ASIC2: variants seen among roughly 807,000 people sequenced by gnomAD.
ASIC2 encodes the protein acid-sensing ion channel 2.
A neutral mutation model predicts 57.3 loss-of-function variants in ASIC2; 25 were observed. That is an observed-to-expected ratio of 0.44 (90% confidence interval 0.32 to 0.61). ASIC2 has a LOEUF of 0.61. Ranked by LOEUF, ASIC2 falls within the 20% of genes least tolerant of loss-of-function variation. The pLI, the probability that ASIC2 is intolerant of heterozygous loss-of-function variation, is 0.06. For synonymous variants in ASIC2, 319 were observed against 307.5 expected (o/e 1.04, Z -0.39); for missense variants, 641 against 738.1 (o/e 0.87, Z 1.52).
At chr17:33,366,999 A>C (rs1908834866) in intron 1 of ASIC2, among the ~76,000 whole-genome samples, 1 of 152,330 alleles carries the variant, frequency 6.6e-6, no homozygotes, top group East Asian at 1.9e-4. Context: ...AACTTTGCAA[A>C]AATTATGCAT....
chr17:34,125,085 C>A (rs1911739367), intron 1 of ASIC2, among the ~76,000 whole-genome samples: 1 of 151,760 alleles, frequency 6.6e-6, no homozygotes, highest in South Asian at 2.1e-4. Context: ...GACACCTCCT[C>A]CACAAAGCCT....
At chr17:33,123,808 C>A (rs973550238) in intron 1 of ASIC2, among the ~76,000 whole-genome samples, 3 of 152,204 alleles carry the variant, frequency 2.0e-5, no homozygotes, top group African/African-American at 7.2e-5. Flanking sequence ...TCACTCCTTG[C>A]ACCTGCCTCA....
chr17:33,981,473 G>A (rs1319719715), intron 1 of ASIC2, among the ~76,000 whole-genome samples: 3 of 152,296 alleles, frequency 2.0e-5, no homozygotes, highest in South Asian at 2.1e-4. Context: ...CTTAACACAC[G>A]AGGAAACTGA....
chr17:33,014,534 G>T (rs989387834), intron 9 of ASIC2, among the ~76,000 whole-genome samples: 2 of 151,998 alleles, frequency 1.3e-5, no homozygotes, highest in Non-Finnish European at 2.9e-5. Context: ...GCTGGTCAGA[G>T]CTGCCCCAAG....
chr17:33,995,065 T>C (rs915735596), intron 1 of ASIC2, among the ~76,000 whole-genome samples: 1 of 152,140 alleles, frequency 6.6e-6, no homozygotes, highest in African/African-American at 2.4e-5. Context: ...ACTAGCTGCA[T>C]GACCTCCATC....
chr17:33,225,483 G>A (rs1176569034), intron 1 of ASIC2, among the ~76,000 whole-genome samples: 1 of 152,246 alleles, frequency 6.6e-6, no homozygotes, highest in Non-Finnish European at 1.5e-5. Context: ...GTAAATGTGA[G>A]TAATTAACAA....
At chr17:33,431,373 G>C (rs759344481) in intron 1 of ASIC2, among the ~76,000 whole-genome samples, 1 of 152,104 alleles carries the variant, frequency 6.6e-6, no homozygotes, top group Non-Finnish European at 1.5e-5. Context: ...TTGAGAGGTC[G>C]AGGCGGGCAG....
intron 1 of ASIC2, among the ~76,000 whole-genome samples, chr17:33,431,691 T>C (rs1456062897): frequency 6.6e-6 from 1 of 152,154 alleles, no homozygotes; most frequent in Non-Finnish European, 1.5e-5. Context: ...AGGAGCTCTG[T>C]GAAGTTAGAA....
In ASIC2 at chr17:33,827,337, C is replaced by CTTTTTTTTTTTTTTTTT. The variant is rs375695905; in HGVS notation, c.555+328640_555+328641insAAAAAAAAAAAAAAAAA. Among the ~76,000 whole-genome samples, 14 of 76,532 alleles carry CTTTTTTTTTTTTTTTTT rather than the reference C, an allele frequency of 1.8e-4. 2 individuals carry two copies. Among genetic ancestry groups the CTTTTTTTTTTTTTTTTT allele is most frequent in the South Asian group, 3.8e-4 (1 of 2,630 alleles). The allele number at this position is 76,532 out of a possible 152,430, so 50.2% of individuals were successfully genotyped here. ...GGACTAGGTCCTGTTGCAGCTCACT[C>CTTTTTTTTTTTTTTTTT]TTTTTTTTTTTTGAGACAGAGTCTT... On this transcript the variant is annotated intron_variant, in intron 1 of 9. Transcript: ENST00000359872.
chr17:33,818,405 C>T (rs1912650641), intron 1 of ASIC2, among the ~76,000 whole-genome samples: 2 of 152,186 alleles, frequency 1.3e-5, no homozygotes, highest in African/African-American at 4.8e-5. Context: ...ACTACTTCCT[C>T]CTTTTACAGA....
At chr17:33,340,523 T>C (rs1450622128) in intron 1 of ASIC2, among the ~76,000 whole-genome samples, 1 of 119,648 alleles carries the variant, frequency 8.4e-6, no homozygotes, top group East Asian at 2.9e-4. Context: ...CCATAAGCCT[T>C]GAGGTTGGCT....
At position 33,378,844 on chromosome 17, in the gene ASIC2, G is replaced by A. The variant is rs372876228; in HGVS notation, c.556-266777C>T. On this transcript the variant is annotated intron_variant, in intron 1 of 9. Coordinates refer to the ASIC2 transcript ENST00000359872. ...TGAGCTTTGGATCTGGACAGGAACA[G>A]CAATGGAGCAAGGCAGTTGGAATCT... is the stretch of plus-strand genomic sequence containing the variant. Among the ~76,000 whole-genome samples, 46 of 152,340 alleles carry A rather than the reference G, an allele frequency of 3.0e-4. No homozygotes were observed. The South Asian group carries it at 8.5e-3, about 28-fold the overall frequency.
intron 1 of ASIC2, among the ~76,000 whole-genome samples, chr17:33,866,263 G>T (rs1347730774): frequency 6.6e-6 from 1 of 152,006 alleles, no homozygotes; most frequent in Non-Finnish European, 1.5e-5. Flanking sequence ...GAGTGAAATT[G>T]CCACTTTTCT....
intron 1 of ASIC2, among the ~76,000 whole-genome samples, chr17:33,790,881 G>T (rs1911749441): frequency 6.6e-6 from 1 of 152,154 alleles, no homozygotes. Flanking sequence ...TCAGGCATTA[G>T]TCTTACTTAC....
rs151075131 is a variant in ASIC2, at chr17:33,965,290, C to T, written c.555+190688G>A. Among the ~76,000 whole-genome samples, 35 of 152,308 alleles carry T rather than the reference C, an allele frequency of 2.3e-4. No homozygotes were observed. The East Asian group carries it at 6.7e-3, about 29-fold the overall frequency. On this transcript the variant is annotated intron_variant, in intron 1 of 9. Transcript: ENST00000359872. Reference sequence around the variant, plus strand: ...GCAGAGCTAGGATTTATATTGAATACTGCTGATTCTAAAGCTCCTGCCCTT... The same window carrying T: ...GCAGAGCTAGGATTTATATTGAATATTGCTGATTCTAAAGCTCCTGCCCTT...
chr17:33,477,770 G>T (rs143237785), intron 1 of ASIC2, among the ~76,000 whole-genome samples: 4 of 152,266 alleles, frequency 2.6e-5, no homozygotes, highest in East Asian at 1.9e-4. Context: ...GGATGGTCAG[G>T]GTAGGCTTCC....
intron 1 of ASIC2, among the ~76,000 whole-genome samples, chr17:33,672,806 G>C (rs1013842263): frequency 1.3e-5 from 2 of 152,290 alleles, no homozygotes; most frequent in South Asian, 4.1e-4. Context: ...CTGGCGTTGA[G>C]ATGAGACGCC....
chr17:33,505,758 A>G (rs1914230177), intron 1 of ASIC2, among the ~76,000 whole-genome samples: 1 of 152,192 alleles, frequency 6.6e-6, no homozygotes, highest in Non-Finnish European at 1.5e-5. Context: ...CTAGCCCTGC[A>G]CTTTCTCATC....
chr17:33,641,418 G>A (rs1906561611), intron 1 of ASIC2, among the ~76,000 whole-genome samples: 1 of 152,260 alleles, frequency 6.6e-6, no homozygotes, highest in African/African-American at 2.4e-5. Flanking sequence ...GAGTAATAAT[G>A]CTGTCTGTGT....
Sources: allele counts gnomAD v4.1 joint callset (sites outside exome capture counted in the v4.1 genomes callset), GRCh38; gene constraint gnomAD v4.1.1; transcripts MANE v1.5; gene names NCBI Gene and HGNC (gene_info 2026-07-23, HGNC 2026-07-21).